Variants in PGBD1 observed in about 807,000 individuals in gnomAD.
PGBD1 encodes the protein piggyBac transposable element-derived protein 1.
Under a neutral mutation model 34.7 loss-of-function variants are expected in PGBD1, and 25 were observed. The observed-to-expected ratio is 0.72, with a 90% CI of 0.52 to 1.00. PGBD1 has a LOEUF of 1.00. Ranked by LOEUF, PGBD1 falls within the 50% of genes least tolerant of loss-of-function variation. The pLI, the probability that PGBD1 is intolerant of heterozygous loss-of-function variation, is 0.00. For synonymous variants in PGBD1, 292 were observed against 335.7 expected (o/e 0.87, Z 1.42); for missense variants, 830 against 959.4 (o/e 0.87, Z 1.78).
intron 4 of PGBD1, among the ~76,000 whole-genome samples, chr6:28,296,112 C>A (rs1320149469): frequency 1.3e-5 from 2 of 152,072 alleles, no homozygotes; most frequent in Admixed American, 1.3e-4. Context: ...CAGACAGTTC[C>A]CCAAATAAAT....
chr6:28,301,326 A>C lies in PGBD1; in HGVS notation c.1472A>C (p.Asp491Ala). The change falls in exon 7 of 7, where the codon GAT becomes GCT. Residue 491 changes from aspartate to alanine, a missense_variant. Transcript: ENST00000682144. ...GACACCGATCAGAACCTGGTTAGAG[A>C]TGCAATCAGAAGGGACAGATTTGAA... ...VSDTDQNLVRDAIRRDRFELI... is the reference protein window; with the variant it reads ...VSDTDQNLVRAAIRRDRFELI... 1 of 1,614,182 alleles carries C rather than the reference A, an allele frequency of 6.2e-7. No individual in the cohort carries two copies. Among genetic ancestry groups the C allele is most frequent in the South Asian group, 1.1e-5 (1 of 91,078 alleles).
At position 28,302,195 on chromosome 6, in the gene PGBD1, T is replaced by G; in HGVS notation, c.2341T>G (p.Cys781Gly). The change falls in exon 7 of 7, where the codon TGT becomes GGT. Residue 781 changes from cysteine (C) to glycine (G), a missense_variant. Physicochemically the swap from Cys to Gly is radical, Grantham distance 159 (BLOSUM62 -3). Coordinates refer to ENST00000682144, the MANE Select transcript of PGBD1 (RefSeq NM_032507.4). ...CAATGCATGGCAACTACACAGAGCC[T>G]GTAACCCAGGTGCTTCTCTAGACCC... is the stretch of plus-strand genomic sequence containing the variant. ...MNNAWQLHRA[C>G]NPGASLDPLD... is the part of the protein sequence containing the mutation. 1 of 1,614,186 alleles carries G rather than the reference T, an allele frequency of 6.2e-7. No individual in the cohort carries two copies. The highest frequency in any genetic ancestry group is 1.1e-5 in the South Asian group (1 of 91,086).
chr6:28,295,824 T>A (rs556796713), intron 4 of PGBD1, among the ~76,000 whole-genome samples: 25 of 152,312 alleles, frequency 1.6e-4, no homozygotes, highest in African/African-American at 5.5e-4. Flanking sequence ...GCAATATCTC[T>A]GAGGTAGGCC....
At chr6:28,291,118 T>A in intron 4 of PGBD1, among the ~76,000 whole-genome samples, 8 of 108,664 alleles carry the variant, frequency 7.4e-5, no homozygotes, top group East Asian at 5.2e-4. Flanking sequence ...TAACTGAAAT[T>A]GAGACCAAAA....
At chr6:28,297,845 T>TTTAAAAAAAAAAAAA in intron 5 of PGBD1, 50 bp from the exon 6 acceptor site, 1 of 283,630 alleles carries the variant, frequency 3.5e-6, no homozygotes, top group Non-Finnish European at 6.6e-6. Context: ...TTTTTTTTTT[T>TTTAAAAAAAAAAAAA]CAAAATTCAC....
Position 28,285,590 on chromosome 6 carries a change from G to A in PGBD1, c.436G>A (p.Val146Met), listed in dbSNP as rs1424827462. 2 of 1,614,168 alleles carry A rather than the reference G, an allele frequency of 1.2e-6. No individual in the cohort carries two copies. Among genetic ancestry groups the A allele is most frequent in the Non-Finnish European group, 1.7e-6 (2 of 1,180,030 alleles). The change falls in exon 3 of 7, where the codon GTG (valine) becomes ATG (methionine). Residue 146 changes from valine (V) to methionine (M), a missense_variant. Physicochemically the swap from Val to Met is conservative, Grantham distance 21. Coordinates refer to ENST00000682144, the MANE Select transcript of PGBD1 (RefSeq NM_032507.4). The part of the protein sequence containing the change: ...YIQGQDMHPM[V>M]AEYQGVSLEC... ...TCAGGGACAGGACATGCACCCAATG[G>A]TGGCAGAATATCAAGGAGTCTCTTT... is the stretch of plus-strand genomic sequence containing the variant.
intron 5 of PGBD1, 144 bp from the exon 6 acceptor site, chr6:28,297,751 A>G (rs1279262390): frequency 5.3e-6 from 3 of 571,352 alleles, no homozygotes; most frequent in Non-Finnish European, 9.0e-6. Flanking sequence ...GAAACTGTGC[A>G]CCCTTGAAAC....
intron 1 of PGBD1, among the ~76,000 whole-genome samples, chr6:28,282,910 A>G (rs1283454879): frequency 6.6e-6 from 1 of 152,258 alleles, no homozygotes; most frequent in Admixed American, 6.5e-5. Flanking sequence ...AAAGAACTTG[A>G]TGCATGTCTA....
rs769151261 is a variant in PGBD1, at chr6:28,281,610, C to T, written c.-347C>T. 2.6e-6 allele frequency: 1 copy of T among 382,938 alleles called. No homozygotes were observed. Among genetic ancestry groups the T allele is most frequent in the Non-Finnish European group, 4.6e-6 (1 of 216,994 alleles). The allele number at this position is 382,938 out of a possible 1,614,324, so 23.7% of individuals were successfully genotyped here. On this transcript the variant is annotated 5_prime_UTR_variant, in exon 1 of 7. Transcript: ENST00000682144. The stretch of plus-strand genomic sequence containing the variant: ...TGCTGGAGGCGCCGGCAGCGCCCGC[C>T]AGACCCGCCAGCCCAGCGGCCCGGG...
In PGBD1 at chr6:28,301,449, A is replaced by G. The variant is rs1762837900; in HGVS notation, c.1595A>G (p.Asn532Ser). Residue 532 changes from asparagine (N) to serine (S), a missense_variant, in exon 7 of 7, where the codon AAT becomes AGT. This residue lies in a region of PGBD1 where 372 missense variants were observed against 427.9 expected (regional missense o/e 0.87). Transcript: ENST00000682144. ...LRPLIKQMNK[N>S]FLLYAPLEEY... is the part of the protein sequence containing the mutation. ...CCTCTCATAAAACAAATGAATAAAAATTTCCTCTTGTATGCTCCCCTGGAA... is the reference window on the plus strand; with the variant it reads ...CCTCTCATAAAACAAATGAATAAAAGTTTCCTCTTGTATGCTCCCCTGGAA... The G allele has an allele frequency of 2.5e-6, 4 of 1,613,876 alleles. No individual in the cohort carries two copies. The highest frequency in any genetic ancestry group is 1.1e-5 in the South Asian group (1 of 91,088).
intron 4 of PGBD1, among the ~76,000 whole-genome samples, chr6:28,292,501 G>C (rs1762491358): frequency 6.6e-6 from 1 of 151,730 alleles, no homozygotes; most frequent in Non-Finnish European, 1.5e-5. Flanking sequence ...CCTGTATAAG[G>C]AAAACTAAAA....
Position 28,301,045 on chromosome 6 carries a change from C to A in PGBD1, c.1191C>A (p.Pro397=), listed in dbSNP as rs983480827. The A allele has an allele frequency of 6.1e-5, 99 of 1,614,018 alleles. No individual in the cohort carries two copies. Among genetic ancestry groups the A allele is most frequent in the Non-Finnish European group, 8.4e-5 (99 of 1,180,028 alleles). ...GTTGGACCAAAAGAGACATTAAACC[C>A]AATTTTCCAAGCTGGTCAGCACTGG... The part of the protein sequence containing the change: ...EKSWTKRDIK[P]NFPSWSALDS... The change falls in exon 7 of 7, where the codon CCC becomes CCA. Residue 397 remains proline, a synonymous_variant. Coordinates refer to ENST00000682144, the MANE Select transcript of PGBD1 (RefSeq NM_032507.4).
intron 4 of PGBD1, among the ~76,000 whole-genome samples, chr6:28,290,952 G>A (rs1414593059): frequency 6.6e-6 from 1 of 151,942 alleles, no homozygotes; most frequent in Non-Finnish European, 1.5e-5. Flanking sequence ...TGCAAAAGCA[G>A]TACTAAGAAG....
chr6:28,300,826 C>T lies in PGBD1; in HGVS notation c.972C>T (p.Ala324=), dbSNP rs748403691. Residue 324 remains alanine, a synonymous_variant, in exon 7 of 7, where the codon GCC becomes GCT. Coordinates refer to ENST00000682144, the MANE Select transcript of PGBD1 (RefSeq NM_032507.4). The surrounding 1 kb of genome is among the most constrained non-coding windows in gnomAD (Gnocchi z 4.0). ...LKDRHPGDLW[A]RMHISSLEYA... ...ACCGTCACCCAGGTGATTTGTGGGC[C>T]CGCATGCACATCTCATCCCTGGAAT... The T allele has an allele frequency of 1.2e-6, 2 of 1,614,054 alleles. No individual in the cohort carries two copies. Among genetic ancestry groups the T allele is most frequent in the Non-Finnish European group, 1.7e-6 (2 of 1,180,024 alleles).
At chr6:28,296,474 C>G (rs1762636415) in intron 4 of PGBD1, among the ~76,000 whole-genome samples, 2 of 152,122 alleles carry the variant, frequency 1.3e-5, no homozygotes, top group Admixed American at 1.3e-4. Flanking sequence ...CCTATAAAAA[C>G]TCTTCAGGTT....
chr6:28,298,857 A>G (rs1298565260), intron 6 of PGBD1, among the ~76,000 whole-genome samples: 2 of 152,056 alleles, frequency 1.3e-5, no homozygotes, highest in Non-Finnish European at 2.9e-5. Context: ...ACAAATCACA[A>G]GCAGAGGGTT....
In PGBD1 at chr6:28,301,497, C is replaced by T. The variant is rs769194355; in HGVS notation, c.1643C>T (p.Ser548Leu). The change falls in exon 7 of 7, where the codon TCA (serine) becomes TTA (leucine). Residue 548 changes from serine to leucine, a missense_variant. Ser to Leu is a moderately radical substitution (Grantham distance 145). Around this residue, in one of 3 missense-constraint regions of PGBD1, gnomAD observed 372 missense variants for 427.9 expected, o/e 0.87. Coordinates refer to ENST00000682144, the MANE Select transcript of PGBD1 (RefSeq NM_032507.4). ...PLEEYYCFDK[S>L]MCECFDSDQF... The stretch of plus-strand genomic sequence containing the variant: ...GAAGAATACTATTGCTTTGATAAGT[C>T]AATGTGTGAATGCTTTGATAGTGAC... 6.2e-7 allele frequency: 1 copy of T among 1,613,842 alleles called. No homozygotes were observed. The highest frequency in any genetic ancestry group is 1.3e-5 in the African/African-American group (1 of 74,922).
At chr6:28,293,134 G>C (rs1368963756) in intron 4 of PGBD1, among the ~76,000 whole-genome samples, 1 of 152,026 alleles carries the variant, frequency 6.6e-6, no homozygotes, top group East Asian at 1.9e-4. Context: ...GTAGAGATGG[G>C]GTTTCACCAT....
chr6:28,301,595 G>A lies in PGBD1; in HGVS notation c.1741G>A (p.Val581Ile). Residue 581 changes from valine (V) to isoleucine (I), a missense_variant, in exon 7 of 7, where the codon GTT becomes ATT. Physicochemically the swap from Val to Ile is conservative, Grantham distance 29. Around this residue, in one of 3 missense-constraint regions of PGBD1, gnomAD observed 372 missense variants for 427.9 expected, o/e 0.87. Transcript: ENST00000682144. ...TGGTACAACCACACAGGGTTATCTGGTTTGGTTTGAACCCTATCAAGAAGA... is the reference window on the plus strand; with the variant it reads ...TGGTACAACCACACAGGGTTATCTGATTTGGTTTGAACCCTATCAAGAAGA... The part of the protein sequence containing the change: ...WCGTTTQGYL[V>I]WFEPYQEEST... 1.2e-6 allele frequency: 2 copies of A among 1,614,174 alleles called. No homozygotes were observed. The highest frequency in any genetic ancestry group is 1.7e-6 in the Non-Finnish European group (2 of 1,180,020).
Sources: gnomAD v4.1 joint callset for allele counts (sites outside exome capture counted in the v4.1 genomes callset) on GRCh38, gnomAD v4.1.1 for gene constraint, gnomAD v4.1.1 regional missense constraint, Gnocchi (gnomAD v3.1) non-coding constraint, MANE v1.5 for transcripts, NCBI Gene and HGNC (gene_info 2026-07-23, HGNC 2026-07-21) for gene names.